Variants in DAB1 observed in about 807,000 individuals in gnomAD.
DAB1 encodes the protein DAB adaptor protein 1.
DAB1 carries 15 observed loss-of-function variants against 64.6 expected under a neutral mutation model. That is an observed-to-expected ratio of 0.23 (90% CI 0.16 to 0.36). DAB1 has a LOEUF of 0.36. Ranked by LOEUF, DAB1 falls within the 10% of genes least tolerant of loss-of-function variation. DAB1 has a pLI of 1.00. For missense variants in DAB1, 596 were observed against 706.7 expected (o/e 0.84, Z 1.78); for synonymous variants, 235 against 251.9 (o/e 0.93, Z 0.64).
chr1:58,030,411 C>T (rs1646955321), intron 5 of DAB1, among the ~76,000 whole-genome samples: 1 of 152,056 alleles, frequency 6.6e-6, no homozygotes, highest in African/African-American at 2.4e-5. Flanking sequence ...GGTGAGGAGG[C>T]AAACAGTACA....
chr1:57,141,077 A>G (rs940334926), intron 3 of DAB1, among the ~76,000 whole-genome samples: 2 of 152,168 alleles, frequency 1.3e-5, no homozygotes, highest in African/African-American at 4.8e-5. Context: ...TTAGAACGCT[A>G]TTCCAGAAAG....
At chr1:57,593,114 G>T (rs534738791) in intron 7 of DAB1, among the ~76,000 whole-genome samples, 7 of 152,268 alleles carry the variant, frequency 4.6e-5, no homozygotes, top group African/African-American at 1.7e-4. Context: ...TTCTTATCTT[G>T]CAAAACTGAA....
At chr1:57,078,539 T>C (rs1209442281) in intron 4 of DAB1, among the ~76,000 whole-genome samples, 1 of 152,192 alleles carries the variant, frequency 6.6e-6, no homozygotes, top group East Asian at 1.9e-4. Flanking sequence ...TACCCAATAT[T>C]GACCAAAGTG....
At chr1:57,066,771 G>A (rs571809938) in intron 8 of DAB1, among the ~76,000 whole-genome samples, 10 of 152,150 alleles carry the variant, frequency 6.6e-5, no homozygotes, top group Admixed American at 1.3e-4. Flanking sequence ...CTCGTTTTAC[G>A]TTTTCACATC....
chr1:57,320,860 A>C (rs1053069244), intron 1 of DAB1, among the ~76,000 whole-genome samples: 3 of 152,206 alleles, frequency 2.0e-5, no homozygotes, highest in African/African-American at 7.2e-5. Flanking sequence ...ACTGAGACTA[A>C]ATAAATTGCC....
At chr1:57,612,195 T>TTTTGTGTGTG (rs113105598) in intron 7 of DAB1, among the ~76,000 whole-genome samples, 1 of 149,556 alleles carries the variant, frequency 6.7e-6, no homozygotes, top group Non-Finnish European at 1.5e-5. Context: ...TGGCATGATC[T>TTTTGTGTGTG]TGTGTGTGTG....
intron 6 of DAB1, among the ~76,000 whole-genome samples, chr1:57,744,927 GA>G (rs1648192901): frequency 6.6e-6 from 1 of 152,116 alleles, no homozygotes; most frequent in Non-Finnish European, 1.5e-5. Flanking sequence ...ACACAGTTTG[GA>G]AAACTGTGTT....
intron 11 of DAB1, among the ~76,000 whole-genome samples, chr1:57,016,261 T>C (rs961713812): frequency 2.6e-5 from 4 of 152,118 alleles, no homozygotes; most frequent in African/African-American, 4.8e-5. Context: ...TTCTGTATTA[T>C]TATTCTTATT....
chr1:57,427,595 A>G (rs925332879), upstream of DAB1, among the ~76,000 whole-genome samples: 2 of 152,050 alleles, frequency 1.3e-5, no homozygotes, highest in Non-Finnish European at 2.9e-5. Flanking sequence ...CATTTTGTGT[A>G]TTATATTTTA....
At chr1:58,433,169 G>C (rs1375307574) in intron 3 of DAB1, among the ~76,000 whole-genome samples, 1 of 152,210 alleles carries the variant, frequency 6.6e-6, no homozygotes, top group African/African-American at 2.4e-5. Context: ...TCTCATGAAG[G>C]TGGCAGGATT....
At chr1:58,026,403 C>A (rs113827520) in intron 5 of DAB1, among the ~76,000 whole-genome samples, 2,984 of 152,198 alleles carry the variant, frequency 0.02, 85 homozygotes, top group African/African-American at 0.064. Flanking sequence ...TTCAGTATCT[C>A]CATTTTTTCA....
chr1:58,274,972 C>G (rs1257062571), intron 4 of DAB1, among the ~76,000 whole-genome samples: 1 of 151,950 alleles, frequency 6.6e-6, no homozygotes, highest in Non-Finnish European at 1.5e-5. Context: ...TCTTCTGCAT[C>G]GCTCACGCTG....
intron 14 of DAB1, among the ~76,000 whole-genome samples, chr1:57,000,040 CTTTTTTTTTT>C (rs397863684): frequency 6.2e-5 from 7 of 112,470 alleles, no homozygotes; most frequent in Non-Finnish European, 1.1e-4. Context: ...TTCCTTCTGC[CTTTTTTTTTT>C]TTTTTTTTTT....
At chr1:58,330,519 A>C (rs1451020272) in intron 4 of DAB1, among the ~76,000 whole-genome samples, 1 of 152,254 alleles carries the variant, frequency 6.6e-6, no homozygotes, top group Non-Finnish European at 1.5e-5. Context: ...GGGAGAAAGA[A>C]GATGCTATCT....
chr1:57,830,238 G>A (rs1652528438), intron 1 of DAB1, among the ~76,000 whole-genome samples: 2 of 152,112 alleles, frequency 1.3e-5, no homozygotes, highest in South Asian at 4.1e-4. Context: ...TAAACCTCTG[G>A]AATCCTCTGA....
chr1:57,989,157 G>A lies in DAB1; in HGVS notation n.388-104995C>T, dbSNP rs559671553. On this transcript the variant is annotated intron_variant and non_coding_transcript_variant, in intron 5 of 20. Transcript: ENST00000485760. ...CTCAGTTTCTCTGGATACCAAATGGGGATAATGATGCTAATACCTCATAGA... is the reference window on the plus strand; with the variant it reads ...CTCAGTTTCTCTGGATACCAAATGGAGATAATGATGCTAATACCTCATAGA... 4.6e-5 allele frequency among the ~76,000 whole-genome samples: 7 copies of A among 152,252 alleles called. No homozygotes were observed. The East Asian group carries it at 1.2e-3, about 25-fold the overall frequency.
Position 58,266,951 on chromosome 1 carries a change from G to A in DAB1, n.309+76401C>T, listed in dbSNP as rs1661182527. 2.0e-5 allele frequency among the ~76,000 whole-genome samples: 3 copies of A among 151,568 alleles called. No homozygotes were observed. In the South Asian group the frequency reaches 6.3e-4, roughly 32 times the overall value. ...ATAATTCAAGTAGGCTGGGCGCGGT[G>A]GCTCATGCCTCTAATCCCAGCACTT... On this transcript the variant is annotated intron_variant and non_coding_transcript_variant, in intron 4 of 20. Coordinates refer to the DAB1 transcript ENST00000485760.
At chr1:57,679,836 C>T (rs1468227686) in intron 6 of DAB1, among the ~76,000 whole-genome samples, 1 of 152,198 alleles carries the variant, frequency 6.6e-6, no homozygotes, top group Non-Finnish European at 1.5e-5. Flanking sequence ...TAAGATGAGT[C>T]AGGCACTGTA....
chr1:57,504,336 G>T (rs1050537968), intron 7 of DAB1, among the ~76,000 whole-genome samples: 2 of 152,106 alleles, frequency 1.3e-5, no homozygotes, highest in African/African-American at 4.8e-5. Context: ...TAAAGTGCCA[G>T]AAAGTAAGGA....
Sources: gnomAD v4.1 joint callset for allele counts (sites outside exome capture counted in the v4.1 genomes callset) on GRCh38, gnomAD v4.1.1 for gene constraint, MANE v1.5 for transcripts, NCBI Gene and HGNC (gene_info 2026-07-23, HGNC 2026-07-21) for gene names.